The following NFX1 variants were observed in gnomAD, a reference collection of about 807,000 sequenced individuals.
NFX1 encodes the protein transcriptional repressor NF-X1.
NFX1 carries 69 observed loss-of-function variants against 137.2 expected under a neutral mutation model. The observed-to-expected ratio is 0.50, with a 90% confidence interval of 0.41 to 0.61. The LOEUF is 0.61. NFX1 is among the 20% of genes least tolerant of loss of function. NFX1 has a pLI of 0.00. For missense variants in NFX1, 1,167 were observed against 1,391.0 expected (o/e 0.84, Z 2.56); for synonymous variants, 495 against 474.1 (o/e 1.04, Z -0.57).
At chr9:33,338,401 T>C (rs991936482) in intron 11 of NFX1, 109 bp from the exon 12 acceptor site, 2 of 960,742 alleles carry the variant, frequency 2.1e-6, no homozygotes, top group South Asian at 2.9e-5. Context: ...TTATTACAAT[T>C]GTATTATTAC....
intron 11 of NFX1, among the ~76,000 whole-genome samples, chr9:33,336,738 C>T (rs1048160339): frequency 6.6e-6 from 1 of 152,160 alleles, no homozygotes; most frequent in African/African-American, 2.4e-5. Flanking sequence ...ATAGCTGGGA[C>T]CACAGGCATG....
intron 9 of NFX1, among the ~76,000 whole-genome samples, chr9:33,320,050 C>T (rs1388755777): frequency 6.6e-6 from 1 of 151,802 alleles, no homozygotes; most frequent in Non-Finnish European, 1.5e-5. Context: ...CAACCTCTAC[C>T]TCCTGGGTTC....
chr9:33,351,553 C>A lies in NFX1; in HGVS notation c.2425-7C>A, dbSNP rs1240767106. On this transcript the variant is annotated splice_region_variant and splice_polypyrimidine_tract_variant and intron_variant, in intron 15 of 23. Coordinates refer to ENST00000379540, the MANE Select transcript of NFX1 (RefSeq NM_002504.6). ...GATGAGAATCTGGCTACTTCTGTCT[C>A]TCCTAGTTTCGGAGCAACATCCCCT... 6.2e-7 allele frequency: 1 copy of A among 1,613,874 alleles called. No individual in the cohort carries two copies. Among genetic ancestry groups the A allele is most frequent in the East Asian group, 2.2e-5 (1 of 44,884 alleles).
intron 4 of NFX1, among the ~76,000 whole-genome samples, chr9:33,304,486 C>T (rs1011542256): frequency 2.0e-5 from 3 of 152,162 alleles, no homozygotes; most frequent in African/African-American, 7.2e-5. Flanking sequence ...CATTACTTAG[C>T]TAGCAGCTTT....
At chr9:33,362,616 G>A (rs1241902666) in intron 19 of NFX1, among the ~76,000 whole-genome samples, 3 of 151,724 alleles carry the variant, frequency 2.0e-5, no homozygotes, top group African/African-American at 7.3e-5. Context: ...GAGGGACAGG[G>A]TGGAAAAGGG....
chr9:33,318,717 ATT>A lies in NFX1; in HGVS notation c.1589-11_1589-10del. 1 of 1,611,836 alleles carries A rather than the reference ATT, an allele frequency of 6.2e-7. No individual in the cohort carries two copies. Among genetic ancestry groups the A allele is most frequent in the Non-Finnish European group, 8.5e-7 (1 of 1,178,854 alleles). On this transcript the variant is annotated splice_polypyrimidine_tract_variant and intron_variant, in intron 7 of 23. Coordinates refer to ENST00000379540, the MANE Select transcript of NFX1 (RefSeq NM_002504.6). Reference sequence around the variant, plus strand: ...ATGTTACTAACGTTTTGTTTTTGAAATTTTCTCTTCAAGTATGCTATTGCGGC... The same window carrying A: ...ATGTTACTAACGTTTTGTTTTTGAAATTCTCTTCAAGTATGCTATTGCGGC...
At chr9:33,358,647 A>ATTTTTTTT (rs61589629) in intron 19 of NFX1, among the ~76,000 whole-genome samples, 35 of 48,478 alleles carry the variant, frequency 7.2e-4, no homozygotes, top group South Asian at 2.3e-3. Flanking sequence ...GAATGGCTTG[A>ATTTTTTTT]TTTTTTTTTT....
In NFX1 at chr9:33,366,706, A is replaced by G. The variant is rs149392456; in HGVS notation, c.3117A>G (p.Gln1039=). The G allele has an allele frequency of 3.1e-6, 5 of 1,614,068 alleles. No individual in the cohort carries two copies. In the African/African-American group the frequency reaches 5.3e-5, roughly 17 times the overall value. Residue 1039 remains glutamine, a synonymous_variant, in exon 22 of 24, where the codon CAA becomes CAG. Transcript: ENST00000379540. The part of the protein sequence containing the change: ...DHRRIIHDLA[Q]VYGLESVSYD... ...GCCGGATCATCCATGACTTGGCCCA[A>G]GTTTATGGCCTGGAGAGCGTGAGCT...
In NFX1 at chr9:33,318,796, T is replaced by A. The variant is rs778130319; in HGVS notation, c.1654T>A (p.Phe552Ile). Residue 552 changes from phenylalanine (F) to isoleucine (I), a missense_variant, in exon 8 of 24, where the codon TTT (phenylalanine) becomes ATT (isoleucine). Around this residue, in one of 3 missense-constraint regions of NFX1, gnomAD observed 488 missense variants for 691.5 expected, o/e 0.71. Coordinates refer to ENST00000379540, the MANE Select transcript of NFX1 (RefSeq NM_002504.6). Reference sequence around the variant, plus strand: ...AACCGATGTAGGAAAGTCTGATGGATTTGGGGATTTCAGCTGTTTAAAGAT... The same window carrying A: ...AACCGATGTAGGAAAGTCTGATGGAATTGGGGATTTCAGCTGTTTAAAGAT... ...CGTDVGKSDG[F>I]GDFSCLKICG... is the part of the protein sequence containing the mutation. 1.9e-6 allele frequency: 3 copies of A among 1,614,160 alleles called. No individual in the cohort carries two copies. The highest frequency in any genetic ancestry group is 2.2e-5 in the East Asian group (1 of 44,876).
intron 15 of NFX1, chr9:33,347,606 G>A: frequency 3.2e-6 from 1 of 310,146 alleles, no homozygotes; most frequent in South Asian, 2.7e-5. Flanking sequence ...TACAACCACT[G>A]TGGAAAACTG....
At chr9:33,318,676 T>G (rs1822264720) in intron 7 of NFX1, 55 bp from the exon 8 acceptor site, 1 of 1,482,274 alleles carries the variant, frequency 6.7e-7, no homozygotes, top group Non-Finnish European at 9.4e-7. Context: ...ATTTGTGACA[T>G]TTTAAGAACC....
chr9:33,336,507 C>T (rs1823009972), intron 11 of NFX1, among the ~76,000 whole-genome samples: 1 of 152,184 alleles, frequency 6.6e-6, no homozygotes, highest in African/African-American at 2.4e-5. Flanking sequence ...AGCCACCGCA[C>T]CGACCATTTT....
chr9:33,343,495 A>G (rs201534408), intron 13 of NFX1, among the ~76,000 whole-genome samples: 1 of 152,222 alleles, frequency 6.6e-6, no homozygotes, highest in East Asian at 1.9e-4. Context: ...CCTTACACAG[A>G]TAGCCTTACA....
At chr9:33,364,647 G>A in intron 20 of NFX1, 61 bp from the exon 21 acceptor site, 2 of 1,568,788 alleles carry the variant, frequency 1.3e-6, no homozygotes, top group African/African-American at 1.4e-5. Flanking sequence ...GAGAGGATGG[G>A]TGAAAGGGGT....
chr9:33,323,719 C>T (rs1822470320), intron 9 of NFX1, among the ~76,000 whole-genome samples: 1 of 150,728 alleles, frequency 6.6e-6, no homozygotes, highest in African/African-American at 2.4e-5. Context: ...CGCCACTGCA[C>T]TACAGCCTGG....
At chr9:33,332,170 A>T (rs1822831059) in intron 10 of NFX1, among the ~76,000 whole-genome samples, 1 of 152,174 alleles carries the variant, frequency 6.6e-6, no homozygotes, top group South Asian at 2.1e-4. Context: ...TGCCTTTAGC[A>T]GCCCTCTTTC....
intron 21 of NFX1, chr9:33,365,088 A>T: frequency 3.2e-6 from 2 of 627,422 alleles, no homozygotes; most frequent in Non-Finnish European, 4.2e-6. Flanking sequence ...AGCTTGGCCA[A>T]CATGACGAAA....
chr9:33,313,848 T>G, intron 7 of NFX1, 55 bp downstream of exon 7: 4 of 1,562,006 alleles, frequency 2.6e-6, no homozygotes, highest in Non-Finnish European at 2.6e-6. Context: ...GGAACCTTAT[T>G]AATGATTGTC....
chr9:33,337,375 A>G (rs1214293195), intron 11 of NFX1, among the ~76,000 whole-genome samples: 1 of 152,208 alleles, frequency 6.6e-6, no homozygotes, highest in African/African-American at 2.4e-5. Flanking sequence ...TGCAAATATT[A>G]TACCATTTTG....
Sources: gnomAD v4.1 joint callset for allele counts (sites outside exome capture counted in the v4.1 genomes callset) on GRCh38, gnomAD v4.1.1 for gene constraint, gnomAD v4.1.1 regional missense constraint, MANE v1.5 for transcripts, NCBI Gene and HGNC (gene_info 2026-07-23, HGNC 2026-07-21) for gene names.